The following UNC13C variants were observed in gnomAD, a reference collection of about 807,000 sequenced individuals.
UNC13C encodes the protein protein unc-13 homolog C.
In UNC13C, 174 loss-of-function variants were observed where a neutral mutation model predicts 245.4. That is an observed-to-expected ratio of 0.71 (90% CI 0.63 to 0.80). UNC13C has a LOEUF of 0.80. Among genes scored for constraint, UNC13C ranks in the 30% least tolerant of loss-of-function variants. The pLI is 0.00. For synonymous variants in UNC13C, 992 were observed against 895.1 expected (o/e 1.11, Z -1.93); for missense variants, 2,829 against 2,602.9 (o/e 1.09, Z -1.89).
chr15:54,308,468 A>G (rs886772528), intron 13 of UNC13C, among the ~76,000 whole-genome samples: 1 of 151,896 alleles, frequency 6.6e-6, no homozygotes, highest in Non-Finnish European at 1.5e-5. Context: ...AATCTAGCTA[A>G]TGAACATATA....
At chr15:54,256,522 C>T (rs188327129) in intron 8 of UNC13C, among the ~76,000 whole-genome samples, 94 of 152,248 alleles carry the variant, frequency 6.2e-4, no homozygotes, top group Non-Finnish European at 1.1e-3. Flanking sequence ...TTAAGTTGCA[C>T]ACCATTTTTA....
chr15:53,879,152 C>A, the UNC13C span, among the ~76,000 whole-genome samples: 29 of 152,192 alleles, frequency 1.9e-4, no homozygotes, highest in East Asian at 7.7e-4. Context: ...GATATTAATT[C>A]ATTCATTCAT....
At chr15:53,886,238 G>A in the UNC13C span, among the ~76,000 whole-genome samples, 2 of 152,130 alleles carry the variant, frequency 1.3e-5, no homozygotes, top group African/African-American at 4.8e-5. Flanking sequence ...AAGAAATAGA[G>A]CTTCTGGGAG....
chr15:54,592,555 TTTTGTCTC>T (rs1898850340), intron 30 of UNC13C, among the ~76,000 whole-genome samples: 2 of 152,086 alleles, frequency 1.3e-5, no homozygotes, highest in African/African-American at 2.4e-5. Context: ...TACTGTCCCT[TTTTGTCTC>T]TTTTAACCGC....
intron 7 of UNC13C, among the ~76,000 whole-genome samples, chr15:54,239,964 T>C (rs908723139): frequency 1.3e-5 from 2 of 152,360 alleles, no homozygotes; most frequent in Admixed American, 1.3e-4. Flanking sequence ...TTTTAAAACA[T>C]GGTATTTGAT....
At chr15:53,943,764 T>A in the UNC13C span, among the ~76,000 whole-genome samples, 3 of 152,194 alleles carry the variant, frequency 2.0e-5, no homozygotes, top group Admixed American at 2.0e-4. Flanking sequence ...TTCAGTTCTA[T>A]CAGTCTCTGA....
At chr15:54,281,633 T>C (rs28633095) in intron 10 of UNC13C, among the ~76,000 whole-genome samples, 4,447 of 152,302 alleles carry the variant, frequency 0.029, 214 homozygotes, top group African/African-American at 0.1. Flanking sequence ...AAAGAATGCA[T>C]GCATTCATTC....
chr15:54,482,392 G>C (rs1246798861), intron 19 of UNC13C, among the ~76,000 whole-genome samples: 1 of 152,118 alleles, frequency 6.6e-6, no homozygotes, highest in Non-Finnish European at 1.5e-5. Context: ...AAGTGAACTC[G>C]CAGCAGCTCC....
chr15:54,481,307 T>C (rs145139881), intron 19 of UNC13C, among the ~76,000 whole-genome samples: 1 of 152,052 alleles, frequency 6.6e-6, no homozygotes, highest in Non-Finnish European at 1.5e-5. Context: ...CCATGAGTGG[T>C]GCATGCTGGA....
chr15:54,203,773 T>TAC (rs745946777), intron 4 of UNC13C, among the ~76,000 whole-genome samples: 264 of 108,096 alleles, frequency 2.4e-3, no homozygotes, highest in African/African-American at 4.8e-3. Context: ...TATGTATATA[T>TAC]ACACACACAT....
At chr15:54,452,418 C>G (rs1165669176) in intron 19 of UNC13C, among the ~76,000 whole-genome samples, 1 of 152,058 alleles carries the variant, frequency 6.6e-6, no homozygotes, top group Non-Finnish European at 1.5e-5. Flanking sequence ...GCTGGGCAAG[C>G]TGGTCTTCTG....
chr15:54,046,744 A>C (rs1428851219), intron 2 of UNC13C, among the ~76,000 whole-genome samples: 2 of 151,988 alleles, frequency 1.3e-5, no homozygotes, highest in Non-Finnish European at 2.9e-5. Context: ...AACAATATAG[A>C]AAATATATAA....
chr15:54,571,163 G>A (rs12441160), intron 30 of UNC13C, among the ~76,000 whole-genome samples: 3 of 152,148 alleles, frequency 2.0e-5, no homozygotes, highest in Non-Finnish European at 4.4e-5. Flanking sequence ...TTCTCATGCT[G>A]CTAATAAAGA....
In UNC13C at chr15:54,014,073, C is replaced by T; in HGVS notation, c.1170C>T (p.Val390=). The T allele has an allele frequency of 6.2e-7, 1 of 1,613,712 alleles. No homozygotes were observed. Among genetic ancestry groups the T allele is most frequent in the Non-Finnish European group, 8.5e-7 (1 of 1,179,830 alleles). Residue 390 remains valine (V), a synonymous_variant, in exon 2 of 33, where the codon GTC becomes GTT. Coordinates refer to ENST00000260323, the MANE Select transcript of UNC13C (RefSeq NM_001080534.3). The part of the protein sequence containing the change: ...YFETPQQRDS[V]LKKSYKLKGT... ...AAACCCCTCAACAAAGGGATTCTGTCTTAAAAAAGTCATATAAACTCAAAG... is the reference window on the plus strand; with the variant it reads ...AAACCCCTCAACAAAGGGATTCTGTTTTAAAAAAGTCATATAAACTCAAAG...
At chr15:54,331,489 C>A (rs2038434833) in intron 14 of UNC13C, among the ~76,000 whole-genome samples, 1 of 152,018 alleles carries the variant, frequency 6.6e-6, no homozygotes, top group Non-Finnish European at 1.5e-5. Flanking sequence ...CATACACAGC[C>A]TTTAAAAGCA....
At position 53,995,702 on chromosome 15, in the gene UNC13C, G is replaced by C. The variant is rs571710638; in HGVS notation, c.-257+16775G>C. ...AGAGGCTCCAGCAGGTCCCATTGTC[G>C]TGGAAGTAAATAGACTGATTTAAAG... On this transcript the variant is annotated intron_variant, in intron 1 of 32. Transcript: ENST00000260323. Among the ~76,000 whole-genome samples, 4 of 152,162 alleles carry C rather than the reference G, an allele frequency of 2.6e-5. No individual in the cohort carries two copies. The East Asian group carries it at 7.7e-4, about 29-fold the overall frequency.
intron 4 of UNC13C, among the ~76,000 whole-genome samples, chr15:54,158,056 A>G (rs2032825121): frequency 6.6e-6 from 1 of 152,232 alleles, no homozygotes; most frequent in Non-Finnish European, 1.5e-5. Context: ...AAACAAGAAA[A>G]TCATATCTCA....
At chr15:54,511,056 G>C (rs1032541611) in intron 23 of UNC13C, among the ~76,000 whole-genome samples, 3 of 152,118 alleles carry the variant, frequency 2.0e-5, no homozygotes, top group Non-Finnish European at 2.9e-5. Context: ...TAGTTTGTGA[G>C]TAAGAAAAGC....
intron 17 of UNC13C, among the ~76,000 whole-genome samples, chr15:54,364,737 A>G (rs562641563): frequency 6.6e-6 from 1 of 152,346 alleles, no homozygotes; most frequent in South Asian, 2.1e-4. Flanking sequence ...TATTCCCATT[A>G]AATGACTTAA....
Sources: gnomAD v4.1 joint callset for allele counts (sites outside exome capture counted in the v4.1 genomes callset) on GRCh38, gnomAD v4.1.1 for gene constraint, MANE v1.5 for transcripts, NCBI Gene and HGNC (gene_info 2026-07-23, HGNC 2026-07-21) for gene names.